The following ZFYVE16 variants were observed in gnomAD, a reference collection of about 807,000 sequenced individuals.
The protein encoded by ZFYVE16 is zinc finger FYVE domain-containing protein 16.
ZFYVE16 carries 89 observed loss-of-function variants against 138.1 expected under a neutral mutation model. The observed-to-expected ratio is 0.64, with a 90% CI of 0.54 to 0.77. The LOEUF (loss-of-function observed/expected upper bound fraction) is 0.77, where lower values mean the gene tolerates loss of function less well. ZFYVE16 is among the 30% of genes least tolerant of loss of function. The pLI is 0.00. For missense variants in ZFYVE16, 1,793 were observed against 1,786.7 expected, an observed-to-expected ratio of 1.00 and a Z score of -0.06; for synonymous variants, 596 against 618.3, an observed-to-expected ratio of 0.96 and a Z score of 0.53.
intron 2 of ZFYVE16, among the ~76,000 whole-genome samples, chr5:80,427,969 C>A (rs1344196678): frequency 2.4e-4 from 2 of 8,262 alleles, no homozygotes; most frequent in Non-Finnish European, 1.5e-3. Flanking sequence ...GAGACTCCAT[C>A]TCAAAAAAAA....
intron 1 of ZFYVE16, among the ~76,000 whole-genome samples, chr5:80,413,272 G>C (rs1027086646): frequency 1.3e-5 from 2 of 152,086 alleles, no homozygotes; most frequent in East Asian, 3.9e-4. Context: ...GGGAGTTCGA[G>C]ACCAGCCTGA....
chr5:80,436,468 C>T (rs943646362), intron 3 of ZFYVE16, among the ~76,000 whole-genome samples: 2 of 152,044 alleles, frequency 1.3e-5, no homozygotes, highest in Admixed American at 6.6e-5. Flanking sequence ...TTATTTTAAG[C>T]AATAGGGGTG....
At chr5:80,460,897 A>T (rs1456466549) in intron 15 of ZFYVE16, among the ~76,000 whole-genome samples, 1 of 152,144 alleles carries the variant, frequency 6.6e-6, no homozygotes, top group Non-Finnish European at 1.5e-5. Context: ...ATCATCACCC[A>T]CCTTTGACTA....
chr5:80,469,885 C>G (rs757894462), intron 15 of ZFYVE16, among the ~76,000 whole-genome samples: 3 of 150,786 alleles, frequency 2.0e-5, no homozygotes, highest in Admixed American at 6.6e-5. Flanking sequence ...TTGTACTTTT[C>G]TGTTCCAGAA....
chr5:80,418,593 T>C (rs1490283899), intron 1 of ZFYVE16, among the ~76,000 whole-genome samples: 3 of 152,004 alleles, frequency 2.0e-5, no homozygotes, highest in Non-Finnish European at 4.4e-5. Flanking sequence ...GGATTACAGG[T>C]GTGAGCCACT....
rs765612471 is a variant in ZFYVE16, at chr5:80,434,101, T to A, written c.-39-8T>A. 2.6e-6 allele frequency: 4 copies of A among 1,540,624 alleles called. No homozygotes were observed. In the Admixed American group the frequency reaches 6.9e-5, roughly 27 times the overall value. On this transcript the variant is annotated splice_polypyrimidine_tract_variant and splice_region_variant and intron_variant, in intron 2 of 18. Coordinates refer to ENST00000505560, the MANE Select transcript of ZFYVE16 (RefSeq NM_001284236.3). ...AAATGAAATATTATTATACTTTCTA[T>A]TTTTTAGGCATACAAGAATTAAATT...
At chr5:80,435,695 A>G (rs922393112) in intron 3 of ZFYVE16, 27 of 425,156 alleles carry the variant, frequency 6.4e-5, no homozygotes, top group African/African-American at 5.6e-4. Context: ...CAGCCTTCTG[A>G]GTAGCTGGGA....
chr5:80,441,398 T>C, intron 5 of ZFYVE16: 1 of 985,402 alleles, frequency 1.0e-6, no homozygotes. Flanking sequence ...TATTTAGTTA[T>C]CTGTTCAAAT....
At chr5:80,421,126 C>T (rs1400268699) in intron 1 of ZFYVE16, among the ~76,000 whole-genome samples, 1 of 152,150 alleles carries the variant, frequency 6.6e-6, no homozygotes, top group Non-Finnish European at 1.5e-5. Flanking sequence ...ATCCTTCGCC[C>T]ACTTTTTGAT....
At chr5:80,456,395 A>G (rs1434301697) in intron 12 of ZFYVE16, 66 bp from the exon 13 acceptor site, 10 of 1,227,104 alleles carry the variant, frequency 8.1e-6, no homozygotes, top group Non-Finnish European at 1.2e-5. Flanking sequence ...TTTCTTAAAG[A>G]AGGATTTAAT....
At chr5:80,423,826 C>T (rs1472459452) in intron 1 of ZFYVE16, among the ~76,000 whole-genome samples, 2 of 152,174 alleles carry the variant, frequency 1.3e-5, no homozygotes, top group Non-Finnish European at 2.9e-5. Flanking sequence ...GCGTGAGCCA[C>T]TGCGCCTGGC....
At position 80,482,469 on chromosome 5, in the gene ZFYVE16, C is replaced by T. The variant is rs1191795903; in HGVS notation, c.*5092C>T. 2 of 152,028 alleles carry T rather than the reference C, an allele frequency of 1.3e-5. No individual in the cohort carries two copies. Among genetic ancestry groups the T allele is most frequent in the Non-Finnish European group, 2.9e-5 (2 of 67,992 alleles). 9.4% of individuals were successfully genotyped at this position (152,028 alleles called of 1,614,324 possible). A position where few individuals can be genotyped will look rare whatever the true frequency, so the allele number is the denominator to read the frequency against. On this transcript the variant is annotated 3_prime_UTR_variant, in exon 19 of 19. Transcript: ENST00000505560. ...TCATGTCTTAGGAGCCCAGAAAGAA[C>T]AATTGGAAGAAAAAAATATCTGAAG...
intron 13 of ZFYVE16, 113 bp downstream of exon 13, chr5:80,456,678 C>G: frequency 1.1e-6 from 1 of 936,286 alleles, no homozygotes; most frequent in African/African-American, 1.7e-5. Flanking sequence ...ATTATGGCAA[C>G]AAACATTGTT....
At chr5:80,471,762 G>A (rs1027128784) in intron 15 of ZFYVE16, among the ~76,000 whole-genome samples, 1 of 152,172 alleles carries the variant, frequency 6.6e-6, no homozygotes, top group African/African-American at 2.4e-5. Context: ...AGTACATTTT[G>A]CTGAAGAAGG....
At chr5:80,440,741 G>A in intron 5 of ZFYVE16, 1 of 981,618 alleles carries the variant, frequency 1.0e-6, no homozygotes, top group Non-Finnish European at 1.2e-6. Flanking sequence ...ATTCTTTTGA[G>A]TACCACTTGG....
intron 11 of ZFYVE16, chr5:80,454,509 CTTT>C (rs1270643829): frequency 2.8e-5 from 4 of 141,826 alleles, no homozygotes; most frequent in Non-Finnish European, 4.6e-5. Flanking sequence ...CTGTATATTC[CTTT>C]TTTTTTTTTT....
intron 1 of ZFYVE16, among the ~76,000 whole-genome samples, 200 bp downstream of exon 1, chr5:80,408,353 C>T (rs969574948): frequency 3.3e-5 from 5 of 152,240 alleles, no homozygotes; most frequent in African/African-American, 9.6e-5. Context: ...AATCTGATGT[C>T]CCCTCCTGGA....
At chr5:80,472,011 C>T (rs1754431806) in intron 15 of ZFYVE16, among the ~76,000 whole-genome samples, 1 of 152,080 alleles carries the variant, frequency 6.6e-6, no homozygotes, top group African/African-American at 2.4e-5. Flanking sequence ...TTTGGTTGGT[C>T]CACATGACCA....
rs746118088 is a variant in ZFYVE16, at chr5:80,438,183, A to G, written c.1498A>G (p.Ile500Val). 5 of 1,613,850 alleles carry G rather than the reference A, an allele frequency of 3.1e-6. 1 individual carries two copies. The highest frequency in any genetic ancestry group is 2.2e-5 in the South Asian group (2 of 91,084). Residue 500 changes from isoleucine to valine, a missense_variant, in exon 4 of 19, where the codon ATT becomes GTT. Coordinates refer to ENST00000505560, the MANE Select transcript of ZFYVE16 (RefSeq NM_001284236.3). ...PESSDCCEGF[I>V]NTFSSNDMDG... is the part of the protein sequence containing the mutation. ...GTCTTCTGATTGTTGTGAAGGTTTTATTAATACTTTTTCAAGCAATGATAT... is the reference window on the plus strand; with the variant it reads ...GTCTTCTGATTGTTGTGAAGGTTTTGTTAATACTTTTTCAAGCAATGATAT...
Sources: gnomAD v4.1 joint callset for allele counts (sites outside exome capture counted in the v4.1 genomes callset) on GRCh38, gnomAD v4.1.1 for gene constraint, MANE v1.5 for transcripts, NCBI Gene and HGNC (gene_info 2026-07-23, HGNC 2026-07-21) for gene names.